The following TUSC3 variants were observed in gnomAD, a reference collection of about 807,000 sequenced individuals.
The protein encoded by TUSC3 is tumor suppressor candidate 3.
TUSC3 carries 45 observed loss-of-function variants against 44.8 expected under a neutral mutation model. The ratio of observed to expected loss-of-function variants is 1.00; its 90% CI spans 0.79 to 1.29. The LOEUF is 1.29. Among genes scored for constraint, TUSC3 ranks in the 50% most tolerant of loss-of-function variants. The pLI, the probability that TUSC3 is intolerant of heterozygous loss-of-function variation, is 0.00. For synonymous variants in TUSC3, 212 were observed against 152.9 expected (o/e 1.39, Z -2.85); for missense variants, 519 against 437.9 (o/e 1.19, Z -1.65).
At chr8:15,576,589 A>G (rs1803126580) in intron 1 of TUSC3, among the ~76,000 whole-genome samples, 1 of 145,558 alleles carries the variant, frequency 6.9e-6, no homozygotes, top group Non-Finnish European at 1.5e-5. Context: ...GTGATAGTTT[A>G]CTGAGAATGA....
intron 1 of TUSC3, among the ~76,000 whole-genome samples, chr8:15,483,195 GAAAA>G (rs1563262901): frequency 6.6e-6 from 1 of 152,034 alleles, no homozygotes; most frequent in East Asian, 1.9e-4. Flanking sequence ...TTTTGCAAAA[GAAAA>G]AGAAATGGGA....
intron 1 of TUSC3, among the ~76,000 whole-genome samples, chr8:15,427,747 T>C (rs1476553958): frequency 1.3e-5 from 2 of 152,196 alleles, no homozygotes; most frequent in African/African-American, 2.4e-5. Flanking sequence ...TATGGGTAAC[T>C]ACCACTGCTA....
the TUSC3 span, among the ~76,000 whole-genome samples, chr8:15,849,780 T>G: frequency 6.7e-6 from 1 of 149,552 alleles, no homozygotes. Context: ...CTGTTCCGAT[T>G]TTATGGCCTT....
upstream of TUSC3, among the ~76,000 whole-genome samples, chr8:15,535,397 G>T (rs1282778477): frequency 6.6e-6 from 1 of 152,134 alleles, no homozygotes; most frequent in Non-Finnish European, 1.5e-5. Flanking sequence ...TGTGCTTTAG[G>T]GAATAAACAG....
rs572173180 is a variant in TUSC3 at position 15,552,551 on chromosome 8, C to T, written c.138+11983C>T. On this transcript the variant is annotated intron_variant, in intron 1 of 10. Transcript: ENST00000503731. ...ATAGGAAATAACCCAGTGAAGAGGG[C>T]GAGTGCTAAACAGCACTGGTAAAGG... 2.0e-5 allele frequency among the ~76,000 whole-genome samples: 3 copies of T among 151,706 alleles called. No individual in the cohort carries two copies. In the South Asian group the frequency reaches 6.3e-4, roughly 32 times the overall value.
chr8:15,757,287 C>T (rs1195963492), intron 9 of TUSC3, among the ~76,000 whole-genome samples: 1 of 152,040 alleles, frequency 6.6e-6, no homozygotes, highest in Non-Finnish European at 1.5e-5. Flanking sequence ...TTTCTAATGT[C>T]GTTGGTTACC....
At chr8:15,709,452 C>G (rs2129198919) in intron 6 of TUSC3, among the ~76,000 whole-genome samples, 1 of 151,968 alleles carries the variant, frequency 6.6e-6, no homozygotes, top group Admixed American at 6.6e-5. Context: ...TCTAGTTAAT[C>G]CATATTCTTA....
chr8:15,673,934 T>C, intron 6 of TUSC3, 98 bp downstream of exon 6: 5 of 1,045,972 alleles, frequency 4.8e-6, no homozygotes, highest in Non-Finnish European at 7.2e-6. Context: ...AAGATTCTGT[T>C]TGTCAGTCAA....
intron 1 of TUSC3, among the ~76,000 whole-genome samples, chr8:15,474,319 C>T (rs1235947219): frequency 1.3e-5 from 2 of 152,112 alleles, no homozygotes; most frequent in African/African-American, 4.8e-5. Context: ...ACAATTATCA[C>T]AGTGGTCCTG....
intron 1 of TUSC3, among the ~76,000 whole-genome samples, chr8:15,474,733 T>G (rs2129123521): frequency 6.6e-6 from 1 of 152,274 alleles, no homozygotes; most frequent in East Asian, 1.9e-4. Flanking sequence ...TCCAAAGAAA[T>G]AAAAGAATAC....
intron 2 of TUSC3, among the ~76,000 whole-genome samples, chr8:15,498,980 G>A (rs1360222565): frequency 1.3e-5 from 2 of 152,114 alleles, no homozygotes; most frequent in East Asian, 1.9e-4. Context: ...AGACCTTATG[G>A]AACTAGTCCT....
intron 2 of TUSC3, among the ~76,000 whole-genome samples, chr8:15,631,961 C>T (rs1805788219): frequency 6.6e-6 from 1 of 152,132 alleles, no homozygotes; most frequent in Admixed American, 6.5e-5. Context: ...CCTGCCTTGG[C>T]CTCCCAAAGT....
At chr8:15,821,974 A>G in the TUSC3 span, among the ~76,000 whole-genome samples, 1 of 152,180 alleles carries the variant, frequency 6.6e-6, no homozygotes. Context: ...ATCTCCAGGT[A>G]AAAGATGATG....
chr8:15,514,350 T>A (rs140987442), intron 2 of TUSC3, among the ~76,000 whole-genome samples: 30 of 152,314 alleles, frequency 2.0e-4, no homozygotes, highest in Middle Eastern at 3.4e-3. Flanking sequence ...TTCATAACAT[T>A]GTGCAAAGAA....
At chr8:15,627,846 C>T (rs1370725824) in intron 2 of TUSC3, among the ~76,000 whole-genome samples, 1 of 152,212 alleles carries the variant, frequency 6.6e-6, no homozygotes, top group African/African-American at 2.4e-5. Context: ...TCCTGGTGTA[C>T]CGTTGGCAGG....
At chr8:15,427,565 C>G (rs761274020) in intron 1 of TUSC3, among the ~76,000 whole-genome samples, 4 of 152,178 alleles carry the variant, frequency 2.6e-5, no homozygotes, top group Non-Finnish European at 5.9e-5. Context: ...CTTGGTCTCT[C>G]AAGTCGCCTG....
At chr8:15,808,210 C>A in the TUSC3 span, among the ~76,000 whole-genome samples, 1 of 151,956 alleles carries the variant, frequency 6.6e-6, no homozygotes, top group African/African-American at 2.4e-5. Flanking sequence ...ACTTCTTTCA[C>A]CTGGTATAAT....
At chr8:15,815,583 C>T in the TUSC3 span, among the ~76,000 whole-genome samples, 1 of 152,052 alleles carries the variant, frequency 6.6e-6, no homozygotes, top group African/African-American at 2.4e-5. Flanking sequence ...AGTAATTAGA[C>T]CTGGAAACAG....
chr8:15,465,306 C>T (rs535010445), intron 1 of TUSC3, among the ~76,000 whole-genome samples: 1 of 152,178 alleles, frequency 6.6e-6, no homozygotes, highest in South Asian at 2.1e-4. Flanking sequence ...AATGTAACTG[C>T]CATGTGGAAA....
Sources: gnomAD v4.1 joint callset for allele counts (sites outside exome capture counted in the v4.1 genomes callset) on GRCh38, gnomAD v4.1.1 for gene constraint, MANE v1.5 for transcripts, NCBI Gene and HGNC (gene_info 2026-07-23, HGNC 2026-07-21) for gene names.